The following CCT5 variants were observed in gnomAD, a reference collection of about 807,000 sequenced individuals.
CCT5 encodes the protein T-complex protein 1 subunit epsilon.
Under a neutral mutation model 55.0 loss-of-function variants are expected in CCT5, and 6 were observed. The observed-to-expected ratio is 0.11, with a 90% confidence interval of 0.06 to 0.22. The LOEUF (loss-of-function observed/expected upper bound fraction) is 0.22, where lower values mean the gene tolerates loss of function less well. Among genes scored for constraint, CCT5 ranks in the 10% least tolerant of loss-of-function variants. The pLI, the probability that CCT5 is intolerant of heterozygous loss-of-function variation, is 1.00. For synonymous variants in CCT5, 231 were observed against 243.7 expected, an observed-to-expected ratio of 0.95 and a Z score of 0.49; for missense variants, 560 against 694.6, an observed-to-expected ratio of 0.81 and a Z score of 2.18.
chr5:10,257,648 A>T (rs1745748600), intron 4 of CCT5, among the ~76,000 whole-genome samples: 1 of 152,232 alleles, frequency 6.6e-6, no homozygotes, highest in Non-Finnish European at 1.5e-5. Context: ...GGAAAGTTTA[A>T]ATGCCCTGTC....
chr5:10,250,967 G>A, intron 1 of CCT5: 1 of 698,412 alleles, frequency 1.4e-6, no homozygotes, highest in South Asian at 5.7e-5. Context: ...AGCGAAGAGT[G>A]AAAAACGGAC....
chr5:10,255,916 T>C, intron 3 of CCT5, 39 bp from the exon 4 acceptor site: 4 of 1,586,092 alleles, frequency 2.5e-6, no homozygotes, highest in Non-Finnish European at 3.5e-6. Flanking sequence ...TGAAGTTTTG[T>C]TGTTTGCCTG....
At position 10,266,076 on chromosome 5, in the gene CCT5, A is replaced by C. The variant is rs1746218302; in HGVS notation, c.*1293A>C. 6.6e-6 allele frequency: 1 copy of C among 152,162 alleles called. No homozygotes were observed. Among genetic ancestry groups the C allele is most frequent in the Non-Finnish European group, 1.5e-5 (1 of 68,034 alleles). The allele number at this position is 152,162 out of a possible 1,614,324, so 9.4% of individuals were successfully genotyped here. A position where few individuals can be genotyped will look rare whatever the true frequency, so the allele number is the denominator to read the frequency against. ...GGATTTAGGAATGTGTGCTAATAGC[A>C]ATCTTCCTAATTTTCATGTTTATAT... is the stretch of plus-strand genomic sequence containing the variant. On this transcript the variant is annotated 3_prime_UTR_variant, in exon 11 of 11. Transcript: ENST00000280326.
intron 6 of CCT5, among the ~76,000 whole-genome samples, chr5:10,259,337 G>C (rs962446563): frequency 2.0e-5 from 3 of 152,174 alleles, no homozygotes; most frequent in African/African-American, 7.2e-5. Flanking sequence ...AACGTGGGTT[G>C]GTTAGGGTAT....
chr5:10,253,039 G>C (rs1032805422), intron 1 of CCT5, among the ~76,000 whole-genome samples: 1 of 152,140 alleles, frequency 6.6e-6, no homozygotes, highest in Non-Finnish European at 1.5e-5. Context: ...AAGAGGGCCA[G>C]TTTCAGCCGG....
At position 10,263,141 on chromosome 5, in the gene CCT5, C is replaced by T. The variant is rs1425929845; in HGVS notation, c.1325C>T (p.Thr442Ile). The change falls in exon 10 of 11, where the codon ACC (threonine) becomes ATC (isoleucine). Residue 442 changes from threonine to isoleucine, a missense_variant. This residue lies in a region of CCT5 where 256 missense variants were observed against 372.4 expected (regional missense o/e 0.69). Coordinates refer to ENST00000280326, the MANE Select transcript of CCT5 (RefSeq NM_012073.5). ...ACTTCTGTACCTTTCCAGTGCCCCA[C>T]CTTAGAACAGTATGCCATGAGAGCG... Reference protein sequence around the residue: ...AVSQEADKCPTLEQYAMRAFA... With the variant: ...AVSQEADKCPILEQYAMRAFA... The T allele has an allele frequency of 1.9e-6, 3 of 1,614,074 alleles. No individual in the cohort carries two copies. Among genetic ancestry groups the T allele is most frequent in the Non-Finnish European group, 2.5e-6 (3 of 1,180,034 alleles).
In CCT5 at chr5:10,266,177, T is replaced by C. The variant is rs1266975668; in HGVS notation, c.*1394T>C. 4 of 152,192 alleles carry C rather than the reference T, an allele frequency of 2.6e-5. No individual in the cohort carries two copies. Among genetic ancestry groups the C allele is most frequent in the Non-Finnish European group, 5.9e-5 (4 of 68,036 alleles). 9.4% of individuals were successfully genotyped at this position (152,192 alleles called of 1,614,324 possible). On this transcript the variant is annotated 3_prime_UTR_variant, in exon 11 of 11. Transcript: ENST00000280326. ...GACTGAGTCTAGCCTACAGAGAACA[T>C]ACAGCAGCCTTCTTTGGACCACAGT...
At chr5:10,261,539 C>T in intron 7 of CCT5, 21 bp from the exon 8 acceptor site, 4 of 1,613,086 alleles carry the variant, frequency 2.5e-6, no homozygotes, top group Non-Finnish European at 3.4e-6. Flanking sequence ...CTTCATCCTT[C>T]TCCCTGACCA....
intron 6 of CCT5, among the ~76,000 whole-genome samples, 177 bp downstream of exon 6, chr5:10,258,712 G>T (rs1056308341): frequency 6.6e-6 from 1 of 152,318 alleles, no homozygotes; most frequent in South Asian, 2.1e-4. Context: ...AAATGGTAGC[G>T]TGTTCAGGCC....
chr5:10,260,334 A>G (rs1323191248), intron 6 of CCT5, among the ~76,000 whole-genome samples: 1 of 152,208 alleles, frequency 6.6e-6, no homozygotes, highest in African/African-American at 2.4e-5. Flanking sequence ...GAATTAGTTT[A>G]TGGATCCACT....
intron 1 of CCT5, among the ~76,000 whole-genome samples, chr5:10,253,086 G>A (rs982418070): frequency 1.3e-5 from 2 of 152,168 alleles, no homozygotes; most frequent in African/African-American, 2.4e-5. Context: ...GGCACTTTGG[G>A]CAGCCAAGGC....
rs943286316 is a variant in CCT5 at position 10,262,507 on chromosome 5, T to C, written c.1206T>C (p.Leu402=). The C allele has an allele frequency of 1.9e-6, 3 of 1,614,220 alleles. No individual in the cohort carries two copies. The highest frequency in any genetic ancestry group is 3.3e-5 in the Admixed American group (2 of 60,032). ...KMIIEEAKRS[L]HDALCVIRNL... Reference sequence around the variant, plus strand: ...TCATTGAGGAGGCGAAACGATCCCTTCACGATGCTTTGTGTGTCATCCGGA... The same window carrying C: ...TCATTGAGGAGGCGAAACGATCCCTCCACGATGCTTTGTGTGTCATCCGGA... The change falls in exon 9 of 11, where the codon CTT becomes CTC. Residue 402 remains leucine, a synonymous_variant. Transcript: ENST00000280326.
At position 10,258,128 on chromosome 5, in the gene CCT5, G is replaced by C; in HGVS notation, c.548G>C (p.Arg183Pro). 1 of 1,614,198 alleles carries C rather than the reference G, an allele frequency of 6.2e-7. No homozygotes were observed. The highest frequency in any genetic ancestry group is 8.5e-7 in the Non-Finnish European group (1 of 1,180,048). The change falls in exon 5 of 11, where the codon CGA becomes CCA. Residue 183 changes from arginine to proline, a missense_variant. Around this residue, in one of 4 missense-constraint regions of CCT5, gnomAD observed 256 missense variants for 372.4 expected, o/e 0.69. Transcript: ENST00000280326. ...LGSKVVNSCH[R>P]QMAEIAVNAV... ...TTCCTCAGGGTCAACAGTTGTCACC[G>C]ACAGATGGCTGAGATTGCTGTGAAT...
chr5:10,256,157 C>T lies in CCT5; in HGVS notation c.530+4C>T, dbSNP rs776584265. On this transcript the variant is annotated splice_donor_region_variant and intron_variant, in intron 4 of 10. Coordinates refer to ENST00000280326, the MANE Select transcript of CCT5 (RefSeq NM_012073.5). The stretch of plus-strand genomic sequence containing the variant: ...AAACCACGCTGGGCTCCAAAGTGTA[C>T]GTTTCAGTAGATGATATGATTACCC... The T allele has an allele frequency of 3.7e-6, 6 of 1,610,982 alleles. No individual in the cohort carries two copies. The highest frequency in any genetic ancestry group is 5.1e-6 in the Non-Finnish European group (6 of 1,178,710).
chr5:10,254,885 A>G (rs750563413), intron 3 of CCT5, 47 bp downstream of exon 3: 1 of 1,504,046 alleles, frequency 6.6e-7, no homozygotes, highest in East Asian at 2.3e-5. Flanking sequence ...ACGTCATTTA[A>G]GACCACAGGG....
intron 1 of CCT5, among the ~76,000 whole-genome samples, chr5:10,251,315 C>A (rs1465891054): frequency 1.3e-5 from 2 of 152,160 alleles, no homozygotes; most frequent in Non-Finnish European, 1.5e-5. Flanking sequence ...AGCTGCACTT[C>A]AGGCAGCAAA....
intron 4 of CCT5, 117 bp from the exon 5 acceptor site, chr5:10,257,994 C>A: frequency 9.1e-7 from 1 of 1,093,138 alleles, no homozygotes; most frequent in East Asian, 2.6e-5. Context: ...GCATTCCCCT[C>A]TAGAAGACTC....
intron 10 of CCT5, among the ~76,000 whole-genome samples, 167 bp downstream of exon 10, chr5:10,263,481 T>C (rs897677500): frequency 6.6e-6 from 1 of 152,228 alleles, no homozygotes; most frequent in African/African-American, 2.4e-5. Context: ...TAGGAATTGG[T>C]TAGACTACTA....
chr5:10,263,246 T>C lies in CCT5; in HGVS notation c.1430T>C (p.Val477Ala), dbSNP rs1746055678. Reference sequence around the variant, plus strand: ...AATCCCATCCAGACTATGACCGAAGTCCGAGCCAGACAGGTGAAGGAGATG... The same window carrying C: ...AATCCCATCCAGACTATGACCGAAGCCCGAGCCAGACAGGTGAAGGAGATG... Reference protein sequence around the residue: ...GMNPIQTMTEVRARQVKEMNP... With the variant: ...GMNPIQTMTEARARQVKEMNP... Residue 477 changes from valine to alanine, a missense_variant, in exon 10 of 11, where the codon GTC (valine) becomes GCC (alanine). By Grantham distance (64) the Val-to-Ala change is moderately conservative (BLOSUM62 0). Around this residue, in one of 4 missense-constraint regions of CCT5, gnomAD observed 115 missense variants for 105.0 expected, o/e 1.10. Coordinates refer to ENST00000280326, the MANE Select transcript of CCT5 (RefSeq NM_012073.5). The C allele has an allele frequency of 6.2e-7, 1 of 1,614,102 alleles. No homozygotes were observed. Among genetic ancestry groups the C allele is most frequent in the East Asian group, 2.2e-5 (1 of 44,884 alleles).
Sources: gnomAD v4.1 joint callset for allele counts (sites outside exome capture counted in the v4.1 genomes callset) on GRCh38, gnomAD v4.1.1 for gene constraint, gnomAD v4.1.1 regional missense constraint, MANE v1.5 for transcripts, NCBI Gene and HGNC (gene_info 2026-07-23, HGNC 2026-07-21) for gene names.